Variants in MCTP1 observed in about 807,000 individuals in gnomAD.
The protein encoded by MCTP1 is multiple C2 and transmembrane domain-containing protein 1.
In MCTP1, 69 loss-of-function variants were observed where a neutral mutation model predicts 120.6. The ratio of observed to expected loss-of-function variants is 0.57; its 90% CI spans 0.47 to 0.70. The LOEUF is 0.70. MCTP1 is among the 30% of genes least tolerant of loss of function. The pLI, the probability that MCTP1 is intolerant of heterozygous loss-of-function variation, is 0.00. For synonymous variants in MCTP1, 529 were observed against 493.1 expected (o/e 1.07, Z -0.96); for missense variants, 1,203 against 1,248.8 (o/e 0.96, Z 0.55).
chr5:95,041,075 G>A (rs1223063623), intron 1 of MCTP1, among the ~76,000 whole-genome samples: 2 of 151,140 alleles, frequency 1.3e-5, no homozygotes, highest in African/African-American at 2.4e-5. Flanking sequence ...GTCAGTTCGA[G>A]TTTTTTTTTG....
chr5:95,162,961 A>G (rs1562195595), intron 1 of MCTP1, among the ~76,000 whole-genome samples: 1 of 152,204 alleles, frequency 6.6e-6, no homozygotes, highest in Admixed American at 6.5e-5. Flanking sequence ...TATTAGAAAT[A>G]TCAGTATCAT....
At chr5:95,009,740 A>G (rs1334595021) in intron 2 of MCTP1, among the ~76,000 whole-genome samples, 1 of 152,202 alleles carries the variant, frequency 6.6e-6, no homozygotes, top group Non-Finnish European at 1.5e-5. Flanking sequence ...AAAATGTGAA[A>G]GCTGACTTTG....
intron 1 of MCTP1, among the ~76,000 whole-genome samples, chr5:95,033,501 G>C (rs1562050294): frequency 6.6e-6 from 1 of 152,040 alleles, no homozygotes; most frequent in Non-Finnish European, 1.5e-5. Context: ...AGTAGAAGCA[G>C]AAAAAGCACG....
chr5:95,010,017 T>G (rs1211160831), intron 2 of MCTP1, among the ~76,000 whole-genome samples: 1 of 152,170 alleles, frequency 6.6e-6, no homozygotes, highest in Non-Finnish European at 1.5e-5. Context: ...AGTTTTTCCC[T>G]TCCACTGTTC....
chr5:95,190,581 A>G (rs1227362626), intron 1 of MCTP1, among the ~76,000 whole-genome samples: 5 of 152,040 alleles, frequency 3.3e-5, no homozygotes, highest in Non-Finnish European at 7.4e-5. Flanking sequence ...AACCCAGGAA[A>G]GAGTTGAGCT....
chr5:95,018,664 C>T (rs950482305), intron 1 of MCTP1, among the ~76,000 whole-genome samples: 2 of 152,002 alleles, frequency 1.3e-5, no homozygotes, highest in Non-Finnish European at 2.9e-5. Flanking sequence ...TCATGATATC[C>T]TTGTTTCTAT....
At chr5:95,256,057 TG>T (rs1229127622) in intron 1 of MCTP1, among the ~76,000 whole-genome samples, 1 of 152,216 alleles carries the variant, frequency 6.6e-6, no homozygotes, top group Non-Finnish European at 1.5e-5. Context: ...CACCAAGTTC[TG>T]CCATGTGGAA....
At chr5:94,797,334 C>A (rs1303878621) in intron 18 of MCTP1, among the ~76,000 whole-genome samples, 1 of 152,036 alleles carries the variant, frequency 6.6e-6, no homozygotes, top group African/African-American at 2.4e-5. Flanking sequence ...ACCAGTTTTT[C>A]CTATTTGCAA....
chr5:94,881,999 A>G (rs920522633), intron 12 of MCTP1, among the ~76,000 whole-genome samples: 6 of 152,168 alleles, frequency 3.9e-5, no homozygotes, highest in African/African-American at 1.2e-4. Flanking sequence ...TGATGTATGT[A>G]TAATTTACTC....
chr5:95,098,501 T>G (rs1442431097), intron 1 of MCTP1, among the ~76,000 whole-genome samples: 1 of 152,104 alleles, frequency 6.6e-6, no homozygotes, highest in Admixed American at 6.5e-5. Flanking sequence ...AGCCAAATCA[T>G]GAGTGAACTC....
chr5:95,097,048 AT>A (rs1010854944), intron 1 of MCTP1, among the ~76,000 whole-genome samples: 3 of 152,148 alleles, frequency 2.0e-5, no homozygotes, highest in African/African-American at 7.2e-5. Context: ...GTGAATCAAT[AT>A]TTTTTATAAC....
chr5:95,209,317 A>G (rs1390021546), intron 1 of MCTP1, among the ~76,000 whole-genome samples: 2 of 152,206 alleles, frequency 1.3e-5, no homozygotes, highest in Non-Finnish European at 2.9e-5. Context: ...TCTTATCAAT[A>G]GTCTCAACTT....
In MCTP1 at chr5:94,735,542, G is replaced by A. The variant is rs187007232; in HGVS notation, c.2611-20656C>T. ...TCTCCTTATCTCAGCCTCCTAAAGC[G>A]CTGGGATTATAGGCATGAGCCACTG... On this transcript the variant is annotated intron_variant, in intron 19 of 22. Coordinates refer to ENST00000515393, the MANE Select transcript of MCTP1 (RefSeq NM_024717.7). 1.9e-3 allele frequency among the ~76,000 whole-genome samples: 295 copies of A among 152,068 alleles called. 1 individual carries two copies. Among genetic ancestry groups the A allele is most frequent in the African/African-American group, 6.4e-3 (264 of 41,476 alleles).
intron 2 of MCTP1, among the ~76,000 whole-genome samples, chr5:94,972,892 G>T (rs760841428): frequency 1.9e-3 from 282 of 150,424 alleles, no homozygotes; most frequent in Non-Finnish European, 3.1e-3. Context: ...AGGCAAGGGG[G>T]TTTCTCATTT....
intron 1 of MCTP1, among the ~76,000 whole-genome samples, chr5:95,146,730 C>T (rs1760426255): frequency 6.6e-6 from 1 of 151,970 alleles, no homozygotes; most frequent in Non-Finnish European, 1.5e-5. Context: ...ATTTTTATTG[C>T]CCTGTTGTCC....
chr5:94,827,953 G>A (rs561275384), intron 17 of MCTP1, among the ~76,000 whole-genome samples: 3 of 151,932 alleles, frequency 2.0e-5, no homozygotes. Flanking sequence ...CCCACCTTCT[G>A]AAGCCTACTA....
intron 1 of MCTP1, among the ~76,000 whole-genome samples, chr5:95,248,902 G>A (rs192488894): frequency 6.6e-6 from 1 of 152,210 alleles, no homozygotes; most frequent in Non-Finnish European, 1.5e-5. Flanking sequence ...ACAAAAACAA[G>A]CAATGGAGGA....
chr5:94,826,393 C>G (rs1318448257), intron 17 of MCTP1: 1 of 619,464 alleles, frequency 1.6e-6, no homozygotes, highest in Non-Finnish European at 3.0e-6. Context: ...GACCTTTTGG[C>G]TCACACCATT....
At chr5:94,878,899 T>G (rs1799474844) in intron 12 of MCTP1, among the ~76,000 whole-genome samples, 2 of 151,894 alleles carry the variant, frequency 1.3e-5, no homozygotes, top group Admixed American at 1.3e-4. Context: ...GGGGCACTGC[T>G]TATAGATTTA....
Sources: gnomAD v4.1 joint callset for allele counts (sites outside exome capture counted in the v4.1 genomes callset) on GRCh38, gnomAD v4.1.1 for gene constraint, MANE v1.5 for transcripts, NCBI Gene and HGNC (gene_info 2026-07-23, HGNC 2026-07-21) for gene names.